ZNF729: variants seen among roughly 807,000 people sequenced by gnomAD.
The protein encoded by ZNF729 is zinc finger protein 729.
Under a neutral mutation model 12.2 loss-of-function variants are expected in ZNF729, and 15 were observed. The observed-to-expected ratio is 1.23, with a 90% CI of 0.82 to 1.89. ZNF729 has a LOEUF of 1.89. Among genes scored for constraint, ZNF729 ranks in the 40% most tolerant of loss-of-function variants. The pLI is 0.00. For synonymous variants in ZNF729, 492 were observed against 476.3 expected (o/e 1.03, Z -0.43); for missense variants, 1,540 against 1,456.7 (o/e 1.06, Z -0.93).
At chr19:22,312,929 T>C (rs554169663) in intron 3 of ZNF729, among the ~76,000 whole-genome samples, 95 of 152,274 alleles carry the variant, frequency 6.2e-4, no homozygotes, top group African/African-American at 2.2e-3. Flanking sequence ...GTCACGCTGG[T>C]CTCGAACTCC....
intron 1 of ZNF729, 113 bp downstream of exon 1, chr19:22,286,668 T>C (rs1279203329): frequency 2.9e-6 from 4 of 1,361,742 alleles, no homozygotes; most frequent in Non-Finnish European, 4.2e-6. Context: ...AATCTGCGCC[T>C]GGAGTTCTTT....
At chr19:22,311,370 G>C (rs1269596784) in intron 3 of ZNF729, among the ~76,000 whole-genome samples, 1 of 152,104 alleles carries the variant, frequency 6.6e-6, no homozygotes, top group African/African-American at 2.4e-5. Flanking sequence ...CTGTATCCTA[G>C]AGGTTTTAAT....
chr19:22,286,815 G>T (rs1466930257), intron 1 of ZNF729, among the ~76,000 whole-genome samples: 1 of 152,202 alleles, frequency 6.6e-6, no homozygotes, highest in Non-Finnish European at 1.5e-5. Flanking sequence ...GCACCCGCAT[G>T]GCCGCGTCTC....
At chr19:22,290,382 G>C (rs1968137190) in intron 1 of ZNF729, among the ~76,000 whole-genome samples, 1 of 152,186 alleles carries the variant, frequency 6.6e-6, no homozygotes, top group Admixed American at 6.5e-5. Context: ...AACAAAGTTA[G>C]ATTTATGTTG....
chr19:22,296,362 A>G (rs1427683369), intron 1 of ZNF729, among the ~76,000 whole-genome samples: 1 of 152,066 alleles, frequency 6.6e-6, no homozygotes, highest in Non-Finnish European at 1.5e-5. Flanking sequence ...TGGAGAATGT[A>G]TTTGTCTAGA....
chr19:22,312,696 A>G (rs1215683013), intron 3 of ZNF729, among the ~76,000 whole-genome samples: 3 of 152,028 alleles, frequency 2.0e-5, no homozygotes, highest in African/African-American at 7.2e-5. Flanking sequence ...ATAAATATAT[A>G]TGTGCTACTG....
chr19:22,315,958 T>G lies in ZNF729; in HGVS notation c.2541T>G (p.Thr847=). 1.2e-6 allele frequency: 2 copies of G among 1,611,050 alleles called. No homozygotes were observed. Among genetic ancestry groups the G allele is most frequent in the Non-Finnish European group, 1.7e-6 (2 of 1,179,712 alleles). ...SALRKHKVIH[T]GKKPYKCEEC... is the part of the protein sequence containing the mutation. ...TTAGAAAACATAAGGTAATTCATAC[T>G]GGAAAGAAACCCTACAAATGTGAAG... is the stretch of plus-strand genomic sequence containing the variant. Residue 847 remains threonine, a synonymous_variant, in exon 4 of 4, where the codon ACT becomes ACG. Coordinates refer to ENST00000601693, the MANE Select transcript of ZNF729 (RefSeq NM_001242680.2).
At chr19:22,308,983 C>T (rs1354853152) in intron 3 of ZNF729, among the ~76,000 whole-genome samples, 1 of 152,180 alleles carries the variant, frequency 6.6e-6, no homozygotes, top group African/African-American at 2.4e-5. Flanking sequence ...CTTGGCTAAG[C>T]CAATGTCTGA....
chr19:22,288,740 C>T (rs901572732), intron 1 of ZNF729, among the ~76,000 whole-genome samples: 6 of 149,926 alleles, frequency 4.0e-5, no homozygotes, highest in African/African-American at 1.3e-4. Context: ...GCTGGTATTG[C>T]GGGAAAAAGC....
intron 1 of ZNF729, among the ~76,000 whole-genome samples, chr19:22,291,107 T>C (rs990148914): frequency 2.0e-5 from 3 of 152,228 alleles, no homozygotes; most frequent in African/African-American, 7.2e-5. Context: ...AGAATTCAAA[T>C]GTTAGGCAAT....
intron 3 of ZNF729, among the ~76,000 whole-genome samples, chr19:22,311,349 C>G (rs762421103): frequency 6.6e-6 from 1 of 152,128 alleles, no homozygotes; most frequent in African/African-American, 2.4e-5. Context: ...TTCCTCTTAG[C>G]ACCGCCTTTG....
In ZNF729 at chr19:22,296,159, A is replaced by G. The variant is rs199705843; in HGVS notation, c.31-7599A>G. Among the ~76,000 whole-genome samples the G allele has an allele frequency of 4.6e-5, 7 of 152,262 alleles. No individual in the cohort carries two copies. The East Asian group carries it at 1.4e-3, about 29-fold the overall frequency. ...GTTTCTATATAACGAGCTAAGGAGGAGTCCCTTCTTCTCAATTTTGGAATA... is the reference window on the plus strand; with the variant it reads ...GTTTCTATATAACGAGCTAAGGAGGGGTCCCTTCTTCTCAATTTTGGAATA... On this transcript the variant is annotated intron_variant, in intron 1 of 3. Coordinates refer to ENST00000601693, the MANE Select transcript of ZNF729 (RefSeq NM_001242680.2).
chr19:22,287,729 C>T (rs1184591176), intron 1 of ZNF729, among the ~76,000 whole-genome samples: 1 of 150,858 alleles, frequency 6.6e-6, no homozygotes, highest in Non-Finnish European at 1.5e-5. Context: ...ATTATGTGTA[C>T]TCCCAAACCC....
rs1263508883 is a variant in ZNF729, at chr19:22,317,158, A to G, written c.3741A>G (p.Glu1247=). ...GAGAGAAACCCTACAAATGTGAAGA[A>G]TGTGCCAAAGCTTTTTAACCATCCT... ...HTGEKPYKCE[E]CAKAF Residue 1247 remains glutamate, a synonymous_variant, in exon 4 of 4, where the codon GAA becomes GAG. Transcript: ENST00000601693. 2.5e-6 allele frequency: 4 copies of G among 1,598,392 alleles called. No homozygotes were observed. Among genetic ancestry groups the G allele is most frequent in the Non-Finnish European group, 3.4e-6 (4 of 1,173,056 alleles).
At chr19:22,288,883 A>G (rs901475059) in intron 1 of ZNF729, among the ~76,000 whole-genome samples, 5 of 152,188 alleles carry the variant, frequency 3.3e-5, no homozygotes, top group Admixed American at 6.5e-5. Context: ...AGAAAAAAAA[A>G]CAGTGATCCA....
chr19:22,303,399 C>T (rs1244007211), intron 1 of ZNF729, among the ~76,000 whole-genome samples: 1 of 152,164 alleles, frequency 6.6e-6, no homozygotes, highest in Non-Finnish European at 1.5e-5. Context: ...TGAGAGGTGT[C>T]TTCTAACTCA....
rs1418667933 is a variant in ZNF729 at position 22,300,233 on chromosome 19, G to A, written c.31-3525G>A. Among the ~76,000 whole-genome samples, 4 of 152,258 alleles carry A rather than the reference G, an allele frequency of 2.6e-5. No individual in the cohort carries two copies. In the South Asian group the frequency reaches 8.3e-4, roughly 32 times the overall value. ...GCATGGCTAGCCTTCCCAATTACCA[G>A]GTGAATTTAGGATGAACTGTGTATG... On this transcript the variant is annotated intron_variant, in intron 1 of 3. Coordinates refer to ENST00000601693, the MANE Select transcript of ZNF729 (RefSeq NM_001242680.2).
chr19:22,294,446 C>T (rs1440497976), intron 1 of ZNF729, among the ~76,000 whole-genome samples: 3 of 152,070 alleles, frequency 2.0e-5, no homozygotes, highest in Non-Finnish European at 4.4e-5. Context: ...CTTGGCTACT[C>T]GGGCTCTTTT....
chr19:22,295,738 A>G (rs1053222567), intron 1 of ZNF729, among the ~76,000 whole-genome samples: 1 of 152,158 alleles, frequency 6.6e-6, no homozygotes, highest in Admixed American at 6.5e-5. Flanking sequence ...TTCAGCTTGT[A>G]TCCATTCAGT....
Sources: allele counts gnomAD v4.1 joint callset (sites outside exome capture counted in the v4.1 genomes callset), GRCh38; gene constraint gnomAD v4.1.1; transcripts MANE v1.5; gene names NCBI Gene and HGNC (gene_info 2026-07-23, HGNC 2026-07-21).